The following TRAPPC11 variants were observed in gnomAD, a reference collection of about 807,000 sequenced individuals.
The protein encoded by TRAPPC11 is foie gras homolog.
A neutral mutation model predicts 151.2 loss-of-function variants in TRAPPC11; 104 were observed. The observed-to-expected ratio is 0.69, with a 90% confidence interval of 0.59 to 0.81. The LOEUF (loss-of-function observed/expected upper bound fraction) is 0.81, where lower values mean the gene tolerates loss of function less well. TRAPPC11 is among the 30% of genes least tolerant of loss of function. The pLI, the probability that TRAPPC11 is intolerant of heterozygous loss-of-function variation, is 0.00. For missense variants in TRAPPC11, 1,230 were observed against 1,349.6 expected (o/e 0.91, Z 1.39); for synonymous variants, 456 against 472.3 (o/e 0.97, Z 0.45).
intron 5 of TRAPPC11, among the ~76,000 whole-genome samples, chr4:183,668,753 A>G (rs754116860): frequency 6.6e-6 from 1 of 152,240 alleles, no homozygotes; most frequent in Non-Finnish European, 1.5e-5. Flanking sequence ...CATTACCTCA[A>G]AAATCATGTG....
rs142298713 is a variant in TRAPPC11, at chr4:183,706,814, G to A, written c.3063G>A (p.Pro1021=). ...TGTCATCTTTCTCTGTAGATCTGCC[G>A]TCATTTGGGCGTGTCAGAGAGTCGT... The part of the protein sequence containing the change: ...NIPLHVNADL[P]SFGRVRESLP... Residue 1021 remains proline (P), a synonymous_variant, in exon 28 of 30, where the codon CCG becomes CCA. Coordinates refer to ENST00000334690, the MANE Select transcript of TRAPPC11 (RefSeq NM_021942.6). The A allele has an allele frequency of 2.9e-5, 46 of 1,612,378 alleles. No individual in the cohort carries two copies. The highest frequency in any genetic ancestry group is 5.0e-5 in the Admixed American group (3 of 59,884).
chr4:183,672,707 C>A (rs962056796), intron 5 of TRAPPC11, among the ~76,000 whole-genome samples: 2 of 152,162 alleles, frequency 1.3e-5, no homozygotes, highest in Non-Finnish European at 2.9e-5. Flanking sequence ...ACTTACCAAG[C>A]CTACTTACTC....
At chr4:183,688,641 G>C (rs1024700329) in intron 18 of TRAPPC11, among the ~76,000 whole-genome samples, 1 of 152,132 alleles carries the variant, frequency 6.6e-6, no homozygotes, top group South Asian at 2.1e-4. Context: ...GATGAAGCTG[G>C]GTCACCTGAA....
chr4:183,712,315 A>T (rs2111113335), intron 29 of TRAPPC11, among the ~76,000 whole-genome samples: 1 of 152,318 alleles, frequency 6.6e-6, no homozygotes, highest in South Asian at 2.1e-4. Flanking sequence ...AGAAGTACTG[A>T]CAGAAGAGGA....
intron 18 of TRAPPC11, among the ~76,000 whole-genome samples, chr4:183,689,562 A>G (rs1736148471): frequency 6.6e-6 from 1 of 151,706 alleles, no homozygotes; most frequent in Non-Finnish European, 1.5e-5. Flanking sequence ...CCACAAGGGC[A>G]GAAGGGCAGG....
In TRAPPC11 at chr4:183,712,745, C is replaced by A; in HGVS notation, c.*101C>A. Reference sequence around the variant, plus strand: ...GCTTTGATCATGGTAAAAAGTTAACCTTTTCTATTTTTTAATGGATGTTAT... The same window carrying A: ...GCTTTGATCATGGTAAAAAGTTAACATTTTCTATTTTTTAATGGATGTTAT... On this transcript the variant is annotated 3_prime_UTR_variant, in exon 30 of 30. Transcript: ENST00000334690. The A allele has an allele frequency of 1.6e-6, 2 of 1,245,358 alleles. No homozygotes were observed. Among genetic ancestry groups the A allele is most frequent in the South Asian group, 1.3e-5 (1 of 77,644 alleles). 77.1% of individuals were successfully genotyped at this position (1,245,358 alleles called of 1,614,324 possible). A position where few individuals can be genotyped will look rare whatever the true frequency, so the allele number is the denominator to read the frequency against.
chr4:183,692,749 T>C (rs1736315958), intron 19 of TRAPPC11, among the ~76,000 whole-genome samples: 1 of 152,156 alleles, frequency 6.6e-6, no homozygotes, highest in Admixed American at 6.5e-5. Context: ...TGTCTCTGTT[T>C]TAAAGGTGAA....
At chr4:183,683,953 A>C in intron 11 of TRAPPC11, 22 bp from the exon 12 acceptor site, 1 of 1,599,708 alleles carries the variant, frequency 6.3e-7, no homozygotes. Context: ...GTCTAAAATG[A>C]GTTGTGTCTC....
At chr4:183,693,312 C>T (rs938020311) in intron 20 of TRAPPC11, among the ~76,000 whole-genome samples, 165 bp downstream of exon 20, 9 of 152,124 alleles carry the variant, frequency 5.9e-5, no homozygotes, top group South Asian at 2.1e-4. Context: ...CCACCTCAGG[C>T]GCTACCCTTG....
intron 23 of TRAPPC11, among the ~76,000 whole-genome samples, chr4:183,697,185 G>A (rs116498466): frequency 0.015 from 2,247 of 152,060 alleles, 55 homozygotes; most frequent in African/African-American, 0.052. Context: ...GTAGCCGGGC[G>A]TGGTAGTGTG....
intron 12 of TRAPPC11, 34 bp downstream of exon 12, chr4:183,684,088 C>A (rs1579189541): frequency 6.2e-7 from 1 of 1,606,708 alleles, no homozygotes; most frequent in African/African-American, 1.3e-5. Flanking sequence ...CTATTTTTTA[C>A]ACTATTTAAG....
intron 6 of TRAPPC11, 165 bp downstream of exon 6, chr4:183,674,977 T>C (rs772991991): frequency 6.8e-6 from 4 of 586,344 alleles, no homozygotes; most frequent in Non-Finnish European, 1.1e-5. Context: ...TTAAACTCTT[T>C]GCTTTTAAAG....
In TRAPPC11 at chr4:183,693,667, G is replaced by A; in HGVS notation, c.2316G>A (p.Leu772=). The change falls in exon 21 of 30, where the codon TTG becomes TTA. Residue 772 remains leucine, a synonymous_variant. Transcript: ENST00000334690. ...PPALTNEMYC[L]VVTVQSHEKT... is the part of the protein sequence containing the mutation. ...CACTGACTAATGAAATGTATTGTTT[G>A]GTTGTGACTGTTCAGTCCCATGAAA... The A allele has an allele frequency of 6.2e-7, 1 of 1,614,092 alleles. No individual in the cohort carries two copies. The highest frequency in any genetic ancestry group is 8.5e-7 in the Non-Finnish European group (1 of 1,180,018).
In TRAPPC11 at chr4:183,686,690, A is replaced by G. The variant is rs748198646; in HGVS notation, c.1835A>G (p.Lys612Arg). The change falls in exon 18 of 30, where the codon AAG becomes AGG. Residue 612 changes from lysine (K) to arginine (R), a missense_variant. Coordinates refer to ENST00000334690, the MANE Select transcript of TRAPPC11 (RefSeq NM_021942.6). ...DVPVQFDIYL[K>R]ADCPHPIRFS... The stretch of plus-strand genomic sequence containing the variant: ...CCTGTTCAGTTTGATATTTATCTGA[A>G]GGCTGATTGTCCACATCCCATTAGG... 1 of 1,614,094 alleles carries G rather than the reference A, an allele frequency of 6.2e-7. No individual in the cohort carries two copies. Among genetic ancestry groups the G allele is most frequent in the South Asian group, 1.1e-5 (1 of 91,082 alleles).
At chr4:183,704,705 C>T (rs1006748451) in intron 26 of TRAPPC11, among the ~76,000 whole-genome samples, 49 of 151,710 alleles carry the variant, frequency 3.2e-4, no homozygotes, top group African/African-American at 1.0e-3. Context: ...TCCAGCTACT[C>T]GGGAGGCTGA....
chr4:183,666,273 G>A lies in TRAPPC11; in HGVS notation c.221G>A (p.Trp74Ter), dbSNP rs1430113630. Reference protein sequence around the residue: ...KCRPKRTSYEWYIPKGILKTG... With the variant: ...KCRPKRTSYE ...TGTTTGCAGAGAACTTCATATGAGT[G>A]GTACATTCCTAAAGGGATCTTAAAG... is the stretch of plus-strand genomic sequence containing the variant. The change falls in exon 3 of 30, where the codon TGG (tryptophan) becomes TAG (stop). Residue 74 changes from tryptophan to a stop codon, truncating the protein, a stop_gained. Coordinates refer to ENST00000334690, the MANE Select transcript of TRAPPC11 (RefSeq NM_021942.6). LOFTEE classifies it high-confidence loss of function. The A allele has an allele frequency of 3.7e-6, 6 of 1,613,018 alleles. No homozygotes were observed. The highest frequency in any genetic ancestry group is 5.1e-6 in the Non-Finnish European group (6 of 1,179,592).
chr4:183,660,888 AT>A (rs1263855634), intron 1 of TRAPPC11, among the ~76,000 whole-genome samples: 2 of 150,982 alleles, frequency 1.3e-5, no homozygotes, highest in East Asian at 1.9e-4. Context: ...TAATTTTTGT[AT>A]TTTTAGTAGA....
At chr4:183,694,764 GTATTCCCA>G (rs1736446422) in intron 23 of TRAPPC11, 41 bp downstream of exon 23, 1 of 1,579,112 alleles carries the variant, frequency 6.3e-7, no homozygotes. Flanking sequence ...CATATGTGGA[GTATTCCCA>G]TTTTGTGTTA....
At chr4:183,662,354 C>CAAAAA (rs202105209) in intron 1 of TRAPPC11, among the ~76,000 whole-genome samples, 40 of 110,218 alleles carry the variant, frequency 3.6e-4, no homozygotes, top group African/African-American at 8.0e-4. Context: ...TACTCCGTCT[C>CAAAAA]AAAAAAAAAA....
Sources: gnomAD v4.1 joint callset for allele counts (sites outside exome capture counted in the v4.1 genomes callset) on GRCh38, gnomAD v4.1.1 for gene constraint, MANE v1.5 for transcripts, NCBI Gene and HGNC (gene_info 2026-07-23, HGNC 2026-07-21) for gene names.